Variants in CNTN5 observed in about 807,000 individuals in gnomAD.
CNTN5 encodes the protein contactin-5.
Under a neutral mutation model 129.1 loss-of-function variants are expected in CNTN5, and 77 were observed. The ratio of observed to expected loss-of-function variants is 0.60; its 90% CI spans 0.50 to 0.72. The LOEUF is 0.72. CNTN5 is among the 30% of genes least tolerant of loss of function. CNTN5 has a pLI of 0.00. For missense variants in CNTN5, 1,478 were observed against 1,328.8 expected, an observed-to-expected ratio of 1.11 and a Z score of -1.75; for synonymous variants, 509 against 465.6, an observed-to-expected ratio of 1.09 and a Z score of -1.20.
At chr11:99,496,593 G>A (rs1428171059) in intron 2 of CNTN5, among the ~76,000 whole-genome samples, 4 of 152,166 alleles carry the variant, frequency 2.6e-5, no homozygotes, top group Non-Finnish European at 5.9e-5. Flanking sequence ...ATAATTCCCA[G>A]ATAGATAGAT....
intron 2 of CNTN5, among the ~76,000 whole-genome samples, chr11:99,354,001 C>A (rs545646367): frequency 6.6e-6 from 1 of 152,226 alleles, no homozygotes; most frequent in Non-Finnish European, 1.5e-5. Flanking sequence ...TTTTGTCAAT[C>A]CAGTAGATGG....
chr11:100,085,496 A>G (rs922115021), intron 13 of CNTN5, among the ~76,000 whole-genome samples: 1 of 152,066 alleles, frequency 6.6e-6, no homozygotes, highest in African/African-American at 2.4e-5. Flanking sequence ...ATAAGACACT[A>G]TGCCAGTTCA....
intron 2 of CNTN5, among the ~76,000 whole-genome samples, chr11:99,430,430 A>G (rs1425597409): frequency 6.7e-6 from 1 of 150,284 alleles, no homozygotes; most frequent in Non-Finnish European, 1.5e-5. Flanking sequence ...TTATATACAT[A>G]AGAACTTTAA....
intron 3 of CNTN5, among the ~76,000 whole-genome samples, chr11:99,760,112 C>T (rs975232771): frequency 6.6e-6 from 1 of 152,106 alleles, no homozygotes; most frequent in African/African-American, 2.4e-5. Context: ...CTCCTTTTTT[C>T]TCCAATCCTT....
chr11:99,129,790 G>T (rs1858838510), intron 1 of CNTN5, among the ~76,000 whole-genome samples: 1 of 152,192 alleles, frequency 6.6e-6, no homozygotes, highest in Admixed American at 6.5e-5. Flanking sequence ...CAAGTCAGAA[G>T]AGATTGGGAG....
At chr11:99,072,360 A>G (rs1205369844) in intron 1 of CNTN5, among the ~76,000 whole-genome samples, 3 of 149,688 alleles carry the variant, frequency 2.0e-5, no homozygotes, top group Non-Finnish European at 2.9e-5. Context: ...TTAAGTTTGG[A>G]AAAAAAATGA....
intron 1 of CNTN5, among the ~76,000 whole-genome samples, chr11:99,316,672 A>G (rs1394013138): frequency 6.6e-6 from 1 of 152,042 alleles, no homozygotes; most frequent in African/African-American, 2.4e-5. Flanking sequence ...AAGCTGAACC[A>G]TAATATTCTA....
chr11:99,558,260 C>T (rs1353274745), intron 3 of CNTN5: 1 of 410,866 alleles, frequency 2.4e-6, no homozygotes, highest in Non-Finnish European at 4.9e-6. Context: ...TTTATCTTCT[C>T]AATGTCATTT....
intron 2 of CNTN5, among the ~76,000 whole-genome samples, chr11:99,377,294 T>G (rs541614329): frequency 6.6e-6 from 1 of 152,192 alleles, no homozygotes; most frequent in African/African-American, 2.4e-5. Flanking sequence ...TCGTATATCT[T>G]TATAGAGTGG....
intron 13 of CNTN5, among the ~76,000 whole-genome samples, chr11:100,096,407 T>C (rs1346698684): frequency 6.6e-6 from 1 of 152,080 alleles, no homozygotes; most frequent in Non-Finnish European, 1.5e-5. Flanking sequence ...TTCACTGATA[T>C]ATACCCGTAT....
chr11:99,784,099 A>G (rs1945420627), intron 3 of CNTN5, among the ~76,000 whole-genome samples: 2 of 152,156 alleles, frequency 1.3e-5, no homozygotes, highest in African/African-American at 4.8e-5. Context: ...ATTTCAGAAG[A>G]TGAACAAAAT....
At chr11:99,243,131 A>G (rs968955148) in intron 1 of CNTN5, among the ~76,000 whole-genome samples, 12 of 152,078 alleles carry the variant, frequency 7.9e-5, no homozygotes, top group Admixed American at 1.3e-4. Context: ...TTGCAGGCTC[A>G]CAAGCATTTG....
intron 8 of CNTN5, among the ~76,000 whole-genome samples, chr11:99,974,302 T>A (rs1206971376): frequency 6.6e-6 from 1 of 152,166 alleles, no homozygotes; most frequent in Non-Finnish European, 1.5e-5. Context: ...ACTTTATTGC[T>A]CAGTTAACAT....
At chr11:99,189,423 T>G (rs1286854308) in intron 1 of CNTN5, among the ~76,000 whole-genome samples, 1 of 151,658 alleles carries the variant, frequency 6.6e-6, no homozygotes, top group Admixed American at 6.6e-5. Context: ...CTTGGTCATA[T>G]GGCACTTCTA....
chr11:99,460,606 A>C (rs1336446566), intron 2 of CNTN5, among the ~76,000 whole-genome samples: 3 of 152,028 alleles, frequency 2.0e-5, no homozygotes, highest in Non-Finnish European at 4.4e-5. Flanking sequence ...AAGGTAAAGT[A>C]AAAGACATCC....
chr11:99,349,542 T>C (rs1938144749), intron 2 of CNTN5, among the ~76,000 whole-genome samples: 1 of 152,198 alleles, frequency 6.6e-6, no homozygotes, highest in Admixed American at 6.5e-5. Context: ...GTCTTGTTTT[T>C]ATGATCTTTT....
chr11:99,677,692 C>G (rs1289492480), intron 3 of CNTN5, among the ~76,000 whole-genome samples: 1 of 150,580 alleles, frequency 6.6e-6, no homozygotes, highest in African/African-American at 2.5e-5. Flanking sequence ...CCTCGTTGTT[C>G]AAAACTGTTT....
chr11:99,753,454 A>G (rs1247696347), intron 3 of CNTN5, among the ~76,000 whole-genome samples: 1 of 151,516 alleles, frequency 6.6e-6, no homozygotes, highest in East Asian at 2.0e-4. Flanking sequence ...CACCCTAAAC[A>G]CTGCGAAAGG....
chr11:99,558,937 A>G (rs2135545308), intron 3 of CNTN5, among the ~76,000 whole-genome samples: 1 of 152,178 alleles, frequency 6.6e-6, no homozygotes, highest in South Asian at 2.1e-4. Context: ...GTTTAAAATA[A>G]AATTGATTAG....
Sources: gnomAD v4.1 joint callset for allele counts (sites outside exome capture counted in the v4.1 genomes callset) on GRCh38, gnomAD v4.1.1 for gene constraint, MANE v1.5 for transcripts, NCBI Gene and HGNC (gene_info 2026-07-23, HGNC 2026-07-21) for gene names.